Variants in FRMD4A observed in about 807,000 individuals in gnomAD.
FRMD4A encodes FERM domain-containing protein 4A.
FRMD4A carries 29 observed loss-of-function variants against 129.1 expected under a neutral mutation model. The ratio of observed to expected loss-of-function variants is 0.22; its 90% confidence interval spans 0.17 to 0.31. The LOEUF is 0.31. Ranked by LOEUF, FRMD4A falls within the 10% of genes least tolerant of loss-of-function variation. The pLI, the probability that FRMD4A is intolerant of heterozygous loss-of-function variation, is 1.00. For missense variants in FRMD4A, 1,272 were observed against 1,375.8 expected (o/e 0.92, Z 1.19); for synonymous variants, 634 against 571.6 (o/e 1.11, Z -1.56).
chr10:14,138,031 C>T (rs1037952911), intron 2 of FRMD4A, among the ~76,000 whole-genome samples: 11 of 152,194 alleles, frequency 7.2e-5, no homozygotes, highest in African/African-American at 2.7e-4. Context: ...GATACAAAGA[C>T]CACCTTGGCA....
chr10:14,270,086 C>T (rs1300323809), intron 2 of FRMD4A, among the ~76,000 whole-genome samples: 1 of 152,198 alleles, frequency 6.6e-6, no homozygotes, highest in African/African-American at 2.4e-5. Flanking sequence ...GGAAGAAAAC[C>T]AGTGGCCCCC....
chr10:14,272,419 C>T (rs191665536), intron 2 of FRMD4A, among the ~76,000 whole-genome samples: 2 of 152,282 alleles, frequency 1.3e-5, no homozygotes, highest in Admixed American at 1.3e-4. Context: ...TGACCGTCAT[C>T]CCTTTCACTG....
chr10:14,321,762 C>G (rs1265519490), intron 2 of FRMD4A, among the ~76,000 whole-genome samples: 4 of 152,096 alleles, frequency 2.6e-5, no homozygotes, highest in Non-Finnish European at 4.4e-5. Context: ...CTGCAGGTAG[C>G]CCAGGTGATA....
At chr10:14,270,988 G>A (rs1039026235) in intron 2 of FRMD4A, among the ~76,000 whole-genome samples, 1 of 152,144 alleles carries the variant, frequency 6.6e-6, no homozygotes, top group South Asian at 2.1e-4. Context: ...GTGTAACAGC[G>A]GCATCTGCTT....
chr10:13,673,460 C>A (rs2083688763), intron 16 of FRMD4A, among the ~76,000 whole-genome samples: 1 of 152,140 alleles, frequency 6.6e-6, no homozygotes, highest in African/African-American at 2.4e-5. Flanking sequence ...TTTTGACTTC[C>A]CATTCTCAAC....
intron 3 of FRMD4A, among the ~76,000 whole-genome samples, chr10:13,851,139 G>A (rs550004278): frequency 4.6e-5 from 7 of 152,262 alleles, no homozygotes; most frequent in East Asian, 1.9e-4. Flanking sequence ...ACTTGAACCC[G>A]GGAGGCAGAG....
At chr10:13,789,020 A>G (rs2092932389) in intron 5 of FRMD4A, among the ~76,000 whole-genome samples, 1 of 152,162 alleles carries the variant, frequency 6.6e-6, no homozygotes, top group South Asian at 2.1e-4. Flanking sequence ...AATTAAATGG[A>G]CCAGTGATTT....
At position 13,714,059 on chromosome 10, in the gene FRMD4A, T is replaced by TATATATAATATATATATATAA. The variant is rs1207471495; in HGVS notation, c.760-6947_760-6946insTTATATATATATATTATATAT. On this transcript the variant is annotated intron_variant, in intron 12 of 24. Coordinates refer to ENST00000357447, the MANE Select transcript of FRMD4A (RefSeq NM_018027.5). Reference sequence around the variant, plus strand: ...ATATATATATATATATATATATATATAAAATATACTTTTTTTTTGAGACAC... The same window carrying TATATATAATATATATATATAA: ...ATATATATATATATATATATATATATATATATAATATATATATATAAAAAATATACTTTTTTTTTGAGACAC... Among the ~76,000 whole-genome samples, 3 of 101,324 alleles carry TATATATAATATATATATATAA rather than the reference T, an allele frequency of 3.0e-5. 1 individual carries two copies. The highest frequency in any genetic ancestry group is 1.1e-4 in the African/African-American group (3 of 28,374). The allele number at this position is 101,324 out of a possible 152,430, so 66.5% of individuals were successfully genotyped here. A position where few individuals can be genotyped will look rare whatever the true frequency, so the allele number is the denominator to read the frequency against.
intron 23 of FRMD4A, 139 bp from the exon 24 acceptor site, chr10:13,652,113 C>A: frequency 2.9e-6 from 2 of 683,146 alleles, no homozygotes; most frequent in South Asian, 3.3e-5. Flanking sequence ...AGCAACAGAT[C>A]ATACAAGTCA....
At chr10:13,666,467 C>A in intron 17 of FRMD4A, 142 bp from the exon 18 acceptor site, 1 of 628,952 alleles carries the variant, frequency 1.6e-6, no homozygotes, top group Non-Finnish European at 2.8e-6. Context: ...TCTGCACCCA[C>A]TGAAGTCCCC....
chr10:13,718,446 G>C (rs1564682625), intron 12 of FRMD4A, among the ~76,000 whole-genome samples: 1 of 152,268 alleles, frequency 6.6e-6, no homozygotes, highest in Admixed American at 6.5e-5. Context: ...AGACATGCAG[G>C]GGGCTGCGGC....
At chr10:13,863,533 T>C (rs1393338816) in intron 2 of FRMD4A, among the ~76,000 whole-genome samples, 2 of 152,140 alleles carry the variant, frequency 1.3e-5, no homozygotes. Flanking sequence ...GTGGTTGCAG[T>C]GAGCCAAGAT....
rs997740820 is a variant in FRMD4A at position 14,220,369 on chromosome 10, G to A, written c.45+109689C>T. ...TGCTCATTCAAAGATAAAATTGGCC[G>A]TCAACATAAACTCCTTTAAGCACTT... On this transcript the variant is annotated intron_variant, in intron 2 of 24. Coordinates refer to ENST00000357447, the MANE Select transcript of FRMD4A (RefSeq NM_018027.5). 7.9e-5 allele frequency among the ~76,000 whole-genome samples: 12 copies of A among 152,280 alleles called. 1 individual carries two copies. Among genetic ancestry groups the A allele is most frequent in the Middle Eastern group, 6.8e-3 (2 of 294 alleles).
At chr10:13,746,486 T>G (rs1279070435) in intron 9 of FRMD4A, among the ~76,000 whole-genome samples, 3 of 152,124 alleles carry the variant, frequency 2.0e-5, no homozygotes, top group African/African-American at 7.2e-5. Flanking sequence ...GTGCTGGGAT[T>G]ATGAGCCAGA....
At chr10:13,777,845 C>A (rs1371058414) in intron 6 of FRMD4A, among the ~76,000 whole-genome samples, 2 of 130,190 alleles carry the variant, frequency 1.5e-5, no homozygotes, top group Non-Finnish European at 3.1e-5. Flanking sequence ...GGCACCCAGG[C>A]TGGAGTGCAA....
chr10:14,074,071 C>T (rs555307111), intron 2 of FRMD4A, among the ~76,000 whole-genome samples: 6 of 152,166 alleles, frequency 3.9e-5, no homozygotes, highest in Admixed American at 3.3e-4. Context: ...AGATCGTGCC[C>T]CTGCACTCCA....
intron 20 of FRMD4A, among the ~76,000 whole-genome samples, 173 bp downstream of exon 20, chr10:13,660,143 A>G (rs913121229): frequency 6.6e-6 from 1 of 152,242 alleles, no homozygotes; most frequent in African/African-American, 2.4e-5. Context: ...ATGTACCTCA[A>G]CAGTGTCGGC....
intron 8 of FRMD4A, among the ~76,000 whole-genome samples, chr10:13,753,343 G>A (rs1347171277): frequency 6.6e-6 from 1 of 152,026 alleles, no homozygotes; most frequent in East Asian, 1.9e-4. Context: ...ATTGGGTTGG[G>A]TCCCATCTGT....
chr10:14,176,370 G>T, intron 2 of FRMD4A, among the ~76,000 whole-genome samples: 1 of 149,306 alleles, frequency 6.7e-6, no homozygotes, highest in East Asian at 2.0e-4. Context: ...CAGTCTCTTT[G>T]TGACACTTCT....
Sources: allele counts gnomAD v4.1 joint callset (sites outside exome capture counted in the v4.1 genomes callset), GRCh38; gene constraint gnomAD v4.1.1; transcripts MANE v1.5; gene names NCBI Gene and HGNC (gene_info 2026-07-23, HGNC 2026-07-21).